Variants in NAA11 observed in about 807,000 individuals in gnomAD.
The protein encoded by NAA11 is N-alpha-acetyltransferase 11.
In NAA11, 15 loss-of-function variants were observed where a neutral mutation model predicts 16.1. That is an observed-to-expected ratio of 0.93 (90% CI 0.62 to 1.44). The LOEUF is 1.44. Among genes scored for constraint, NAA11 ranks in the 40% most tolerant of loss-of-function variants. The probability of loss-of-function intolerance (pLI) is 0.00; values close to 1 mark genes in which losing one functional copy is unlikely to be tolerated. For synonymous variants in NAA11, 122 were observed against 112.4 expected (o/e 1.09, Z -0.54); for missense variants, 298 against 291.3 (o/e 1.02, Z -0.17).
downstream of NAA11, among the ~76,000 whole-genome samples, chr4:79,315,048 A>G (rs1723887199): frequency 1.3e-5 from 2 of 152,096 alleles, no homozygotes; most frequent in Non-Finnish European, 2.9e-5. Flanking sequence ...GACCTAATGG[A>G]TAGTCACAGG....
At chr4:79,246,917 A>G (rs537929899) in intron 2 of NAA11, among the ~76,000 whole-genome samples, 1 of 152,312 alleles carries the variant, frequency 6.6e-6, no homozygotes, top group East Asian at 1.9e-4. Flanking sequence ...CCAGGGAGCT[A>G]GTGGCTCTTT....
At chr4:79,310,700 A>C (rs1276772277) in intron 1 of NAA11, among the ~76,000 whole-genome samples, 1 of 152,172 alleles carries the variant, frequency 6.6e-6, no homozygotes, top group African/African-American at 2.4e-5. Context: ...GGTAGGTTTA[A>C]CCTACCAACT....
chr4:79,285,481 T>C (rs1722886523), intron 2 of NAA11, among the ~76,000 whole-genome samples: 1 of 152,132 alleles, frequency 6.6e-6, no homozygotes, highest in South Asian at 2.1e-4. Flanking sequence ...ACTTTCACTA[T>C]TGTTAAATGC....
chr4:79,204,404 A>G, the NAA11 span, among the ~76,000 whole-genome samples: 4 of 151,898 alleles, frequency 2.6e-5, no homozygotes, highest in Admixed American at 2.0e-4. Flanking sequence ...ACTACACAGT[A>G]TATGAAGTAT....
the NAA11 span, among the ~76,000 whole-genome samples, chr4:79,158,689 A>T: frequency 7.1e-6 from 1 of 140,672 alleles, no homozygotes; most frequent in Non-Finnish European, 1.5e-5. Context: ...TGGAGGCATC[A>T]CATTACCTGA....
the NAA11 span, among the ~76,000 whole-genome samples, chr4:79,207,368 A>T: frequency 2.8e-4 from 2 of 7,020 alleles, no homozygotes; most frequent in African/African-American, 3.7e-4. Flanking sequence ...GAATGAGGTT[A>T]AAAAAAAAAA....
chr4:79,212,790 GTA>G, the NAA11 span, among the ~76,000 whole-genome samples: 43,274 of 149,174 alleles, frequency 0.29, 8,531 homozygotes, highest in African/African-American at 0.57. Context: ...TTTATTATAG[GTA>G]TATATATATA....
chr4:79,176,323 A>G, the NAA11 span, among the ~76,000 whole-genome samples: 2 of 152,194 alleles, frequency 1.3e-5, no homozygotes, highest in Admixed American at 1.3e-4. Flanking sequence ...ATTAATCAGG[A>G]TTCTTCAGAA....
At chr4:79,282,646 A>G (rs1722820662) in intron 2 of NAA11, among the ~76,000 whole-genome samples, 1 of 152,244 alleles carries the variant, frequency 6.6e-6, no homozygotes, top group African/African-American at 2.4e-5. Context: ...AAGGAGGAAG[A>G]TAAGTTTTGC....
chr4:79,295,937 T>A (rs1723208878), intron 1 of NAA11, among the ~76,000 whole-genome samples: 1 of 152,190 alleles, frequency 6.6e-6, no homozygotes, highest in African/African-American at 2.4e-5. Context: ...CTTTAAAGTA[T>A]TAGATTAGGT....
chr4:79,289,318 G>A (rs1019934931), intron 2 of NAA11, among the ~76,000 whole-genome samples: 3 of 152,186 alleles, frequency 2.0e-5, no homozygotes, highest in African/African-American at 4.8e-5. Context: ...ATAAATGGAA[G>A]GCAATTGAGA....
chr4:79,222,758 T>A (rs1721220069), downstream of NAA11, among the ~76,000 whole-genome samples: 1 of 151,488 alleles, frequency 6.6e-6, no homozygotes, highest in South Asian at 2.1e-4. Flanking sequence ...GACAAAGGGC[T>A]AATATACAGA....
intron 1 of NAA11, among the ~76,000 whole-genome samples, chr4:79,297,083 C>A (rs971823220): frequency 6.6e-6 from 1 of 152,176 alleles, no homozygotes; most frequent in Non-Finnish European, 1.5e-5. Flanking sequence ...CAGGCAGGAC[C>A]TGCTCCCAGG....
At chr4:79,256,565 C>T (rs1268847517) in intron 2 of NAA11, among the ~76,000 whole-genome samples, 1 of 150,718 alleles carries the variant, frequency 6.6e-6, no homozygotes, top group African/African-American at 2.4e-5. Flanking sequence ...TATTGATGCT[C>T]AGTGATTAGA....
intron 1 of NAA11, among the ~76,000 whole-genome samples, chr4:79,306,462 G>C (rs1273814738): frequency 6.6e-6 from 1 of 152,082 alleles, no homozygotes. Context: ...AAGGATACTA[G>C]TCAAATCAGA....
chr4:79,193,138 G>A, the NAA11 span, among the ~76,000 whole-genome samples: 4 of 152,060 alleles, frequency 2.6e-5, no homozygotes, highest in Non-Finnish European at 4.4e-5. Flanking sequence ...TTTGTCAGAT[G>A]AGTAGATTGC....
At chr4:79,216,360 A>G in the NAA11 span, among the ~76,000 whole-genome samples, 2 of 152,092 alleles carry the variant, frequency 1.3e-5, no homozygotes, top group Non-Finnish European at 2.9e-5. Context: ...CTCATTTAAT[A>G]TTATACTATA....
At chr4:79,234,020 G>A (rs1397118711) in intron 2 of NAA11, among the ~76,000 whole-genome samples, 2 of 152,066 alleles carry the variant, frequency 1.3e-5, no homozygotes, top group Non-Finnish European at 2.9e-5. Context: ...CAGTGCAGAA[G>A]AACACAGAGC....
intron 2 of NAA11, among the ~76,000 whole-genome samples, chr4:79,251,592 A>C (rs1721996442): frequency 6.6e-6 from 1 of 152,104 alleles, no homozygotes; most frequent in African/African-American, 2.4e-5. Context: ...ATTTTCCTGC[A>C]TAACAAACCC....
Sources: gnomAD v4.1 joint callset for allele counts (sites outside exome capture counted in the v4.1 genomes callset) on GRCh38, gnomAD v4.1.1 for gene constraint, MANE v1.5 for transcripts, NCBI Gene and HGNC (gene_info 2026-07-23, HGNC 2026-07-21) for gene names.